The following LRRC28 variants were observed in gnomAD, a reference collection of about 807,000 sequenced individuals.
LRRC28 encodes the protein leucine rich repeat containing 28.
Under a neutral mutation model 45.7 loss-of-function variants are expected in LRRC28, and 39 were observed. That is an observed-to-expected ratio of 0.85 (90% CI 0.66 to 1.12). The LOEUF (loss-of-function observed/expected upper bound fraction) is 1.12. Ranked by LOEUF, LRRC28 falls within the 50% of genes most tolerant of loss-of-function variation. The pLI is 0.00. For missense variants in LRRC28, 435 were observed against 438.5 expected, an observed-to-expected ratio of 0.99 and a Z score of 0.07; for synonymous variants, 206 against 178.8, an observed-to-expected ratio of 1.15 and a Z score of -1.22.
At chr15:99,276,663 T>G in intron 3 of LRRC28, 47 bp downstream of exon 3, 3 of 1,409,870 alleles carry the variant, frequency 2.1e-6, no homozygotes, top group Non-Finnish European at 2.9e-6. Context: ...TGAAAATAAT[T>G]CTAAGTTGTT....
chr15:99,380,891 G>C (rs535861776), intron 9 of LRRC28, among the ~76,000 whole-genome samples: 2 of 152,238 alleles, frequency 1.3e-5, no homozygotes, highest in South Asian at 4.1e-4. Flanking sequence ...TAGAGTTTCT[G>C]CTGAGATCCG....
intron 2 of LRRC28, among the ~76,000 whole-genome samples, chr15:99,265,198 C>A (rs904057488): frequency 6.6e-6 from 1 of 152,178 alleles, no homozygotes; most frequent in Non-Finnish European, 1.5e-5. Flanking sequence ...CTGTACTCAG[C>A]TGTCTGAGGG....
chr15:99,257,284 T>C (rs2081050512), intron 2 of LRRC28, among the ~76,000 whole-genome samples: 1 of 152,268 alleles, frequency 6.6e-6, no homozygotes. Context: ...TTTGCAGTTA[T>C]AGGAATCCTT....
intron 5 of LRRC28, among the ~76,000 whole-genome samples, chr15:99,321,327 G>A (rs992685925): frequency 6.6e-6 from 1 of 152,116 alleles, no homozygotes; most frequent in African/African-American, 2.4e-5. Flanking sequence ...TTATGTTATT[G>A]TATAGTCTAA....
chr15:99,279,068 A>G (rs957083673), intron 3 of LRRC28, among the ~76,000 whole-genome samples: 2 of 152,184 alleles, frequency 1.3e-5, no homozygotes, highest in African/African-American at 4.8e-5. Flanking sequence ...ACACTTTCCC[A>G]CAATCCCTGG....
At chr15:99,259,766 T>A in intron 2 of LRRC28, 1 of 1,351,792 alleles carries the variant, frequency 7.4e-7, no homozygotes, top group Non-Finnish European at 1.1e-6. Context: ...TGTGGTTTTG[T>A]TTGAAACAGC....
At chr15:99,343,466 G>A (rs1195359193) in intron 6 of LRRC28, among the ~76,000 whole-genome samples, 1 of 152,154 alleles carries the variant, frequency 6.6e-6, no homozygotes, top group African/African-American at 2.4e-5. Flanking sequence ...CAGAATTGGA[G>A]CTTGTGCAGG....
intron 5 of LRRC28, among the ~76,000 whole-genome samples, chr15:99,305,115 T>C (rs1229410998): frequency 1.3e-5 from 2 of 152,122 alleles, no homozygotes; most frequent in African/African-American, 4.8e-5. Flanking sequence ...ATCAGCTAGG[T>C]GCCTTTTGCT....
At chr15:99,377,022 T>C (rs1449713469) in intron 9 of LRRC28, among the ~76,000 whole-genome samples, 2 of 152,202 alleles carry the variant, frequency 1.3e-5, no homozygotes, top group Non-Finnish European at 2.9e-5. Context: ...CATTTGTCTT[T>C]ATAGCAGCTT....
intron 3 of LRRC28, chr15:99,284,616 G>A: frequency 2.0e-6 from 1 of 506,900 alleles, no homozygotes; most frequent in South Asian, 1.4e-5. Context: ...TTTCCTGGCA[G>A]TAATTAAAAT....
chr15:99,325,306 T>C (rs1955936368), intron 5 of LRRC28, among the ~76,000 whole-genome samples: 1 of 152,220 alleles, frequency 6.6e-6, no homozygotes. Flanking sequence ...TTAAAACTTG[T>C]TTATTAGTTC....
chr15:99,269,384 G>A (rs927696776), intron 2 of LRRC28, among the ~76,000 whole-genome samples: 2 of 151,850 alleles, frequency 1.3e-5, no homozygotes, highest in Admixed American at 1.3e-4. Flanking sequence ...TATGAATTCT[G>A]CACACTTTAC....
intron 6 of LRRC28, among the ~76,000 whole-genome samples, chr15:99,346,178 A>G (rs1052644919): frequency 1.3e-5 from 2 of 151,334 alleles, no homozygotes; most frequent in Admixed American, 6.6e-5. Context: ...TCATTCATTC[A>G]TTCATTCATT....
intron 9 of LRRC28, among the ~76,000 whole-genome samples, chr15:99,371,435 A>G (rs1329038328): frequency 2.0e-5 from 3 of 152,128 alleles, no homozygotes; most frequent in African/African-American, 7.2e-5. Flanking sequence ...GGCCTGCAAA[A>G]CTGACTTGGT....
chr15:99,259,706 C>A, intron 2 of LRRC28: 5 of 1,415,150 alleles, frequency 3.5e-6, no homozygotes, highest in Non-Finnish European at 2.0e-6. Context: ...CAGAGACATG[C>A]TTCGACGAAT....
At chr15:99,333,777 C>T in intron 5 of LRRC28, 146 bp from the exon 6 acceptor site, 1 of 815,962 alleles carries the variant, frequency 1.2e-6, no homozygotes, top group South Asian at 1.8e-5. Flanking sequence ...TGCATTTTCA[C>T]CAAAAATCCT....
rs569198119 is a variant in LRRC28 at position 99,296,680 on chromosome 15, T to G, written c.385+8729T>G. ...CTGCATGACTGGAGGGGGGACTTGC[T>G]GTTTCATCTGCTTAACAAAATAGTA... On this transcript the variant is annotated intron_variant, in intron 5 of 9. Coordinates refer to ENST00000301981, the MANE Select transcript of LRRC28 (RefSeq NM_144598.5). Among the ~76,000 whole-genome samples, 5 of 152,348 alleles carry G rather than the reference T, an allele frequency of 3.3e-5. No individual in the cohort carries two copies. The East Asian group carries it at 9.6e-4, about 29-fold the overall frequency.
chr15:99,385,149 G>A (rs34614079), intron 9 of LRRC28, among the ~76,000 whole-genome samples: 2,401 of 134,794 alleles, frequency 0.018, 29 homozygotes, highest in Admixed American at 0.044. Flanking sequence ...AGGGAGTGGG[G>A]TGGAAATACT....
At chr15:99,385,007 C>A (rs1051683077) in intron 9 of LRRC28, among the ~76,000 whole-genome samples, 6 of 152,184 alleles carry the variant, frequency 3.9e-5, no homozygotes, top group African/African-American at 1.4e-4. Context: ...CAGGGACTCA[C>A]AGCAGTAGGA....
Sources: gnomAD v4.1 joint callset for allele counts (sites outside exome capture counted in the v4.1 genomes callset) on GRCh38, gnomAD v4.1.1 for gene constraint, MANE v1.5 for transcripts, NCBI Gene and HGNC (gene_info 2026-07-23, HGNC 2026-07-21) for gene names.